The following MNAT1 variants were observed in gnomAD, a reference collection of about 807,000 sequenced individuals.
The protein encoded by MNAT1 is CDK-activating kinase assembly factor MAT1.
MNAT1 carries 43 observed loss-of-function variants against 42.0 expected under a neutral mutation model. That is an observed-to-expected ratio of 1.02 (90% CI 0.80 to 1.32). The LOEUF is 1.32. Among genes scored for constraint, MNAT1 ranks in the 40% most tolerant of loss-of-function variants. MNAT1 has a pLI of 0.00. For synonymous variants in MNAT1, 118 were observed against 120.0 expected, an observed-to-expected ratio of 0.98 and a Z score of 0.11; for missense variants, 306 against 350.4, an observed-to-expected ratio of 0.87 and a Z score of 1.01.
At chr14:60,741,871 G>GC (rs1441224601) in intron 1 of MNAT1, among the ~76,000 whole-genome samples, 2 of 151,678 alleles carry the variant, frequency 1.3e-5, no homozygotes, top group Non-Finnish European at 2.9e-5. Context: ...ACTGGGTCTT[G>GC]CCATTTTATC....
chr14:60,952,262 G>T (rs1020650191), intron 7 of MNAT1, among the ~76,000 whole-genome samples: 7 of 152,170 alleles, frequency 4.6e-5, no homozygotes, highest in Non-Finnish European at 1.0e-4. Flanking sequence ...AGTACAGTAG[G>T]CCTTGAATGG....
chr14:60,922,050 C>A (rs1239696108), intron 7 of MNAT1, among the ~76,000 whole-genome samples: 1 of 152,158 alleles, frequency 6.6e-6, no homozygotes, highest in African/African-American at 2.4e-5. Flanking sequence ...CCAGTTAAAT[C>A]ACCCTTTTGG....
intron 6 of MNAT1, among the ~76,000 whole-genome samples, chr14:60,861,929 C>T (rs1195778185): frequency 6.6e-6 from 1 of 152,102 alleles, no homozygotes; most frequent in Non-Finnish European, 1.5e-5. Context: ...AGTTGCTGGG[C>T]AGCAGTCTTG....
chr14:60,845,776 A>G (rs141757978), intron 6 of MNAT1, among the ~76,000 whole-genome samples: 9 of 152,256 alleles, frequency 5.9e-5, no homozygotes, highest in African/African-American at 1.7e-4. Flanking sequence ...AGAATAATAC[A>G]AAATGTAGTC....
In MNAT1 at chr14:60,831,103, C is replaced by CT. The variant is rs35645256; in HGVS notation, c.687+12270dup. On this transcript the variant is annotated intron_variant, in intron 6 of 7. Transcript: ENST00000261245. ...AATGTATTGCTGCTTTCTTTTGTTC[C>CT]TTTTTTTTTTTTTTCAATACTTTTA... 3.6e-5 allele frequency among the ~76,000 whole-genome samples: 5 copies of CT among 138,778 alleles called. No individual in the cohort carries two copies. In the East Asian group the frequency reaches 8.2e-4, roughly 23 times the overall value. The allele number at this position is 138,778 out of a possible 152,430, so 91.0% of individuals were successfully genotyped here. A position where few individuals can be genotyped will look rare whatever the true frequency, so the allele number is the denominator to read the frequency against.
At chr14:60,876,189 A>G (rs952200042) in intron 6 of MNAT1, among the ~76,000 whole-genome samples, 11 of 152,072 alleles carry the variant, frequency 7.2e-5, no homozygotes, top group African/African-American at 2.7e-4. Flanking sequence ...AACCTATGCA[A>G]TGCTCTCTGA....
intron 7 of MNAT1, among the ~76,000 whole-genome samples, chr14:60,880,914 T>G (rs1411708196): frequency 6.6e-6 from 1 of 152,168 alleles, no homozygotes; most frequent in Non-Finnish European, 1.5e-5. Context: ...AAATTGAAGT[T>G]TGAAGAGATA....
At chr14:60,889,949 CA>C (rs1261701714) in intron 7 of MNAT1, among the ~76,000 whole-genome samples, 5 of 152,162 alleles carry the variant, frequency 3.3e-5, no homozygotes, top group African/African-American at 1.2e-4. Flanking sequence ...AGTCAGGAAA[CA>C]ACAGGTGCTG....
intron 7 of MNAT1, among the ~76,000 whole-genome samples, chr14:60,903,209 C>T (rs549895485): frequency 2.7e-4 from 41 of 151,758 alleles, no homozygotes; most frequent in Non-Finnish European, 4.7e-4. Flanking sequence ...ATTAAATCTT[C>T]GTCTTCACAT....
At chr14:60,738,477 A>G (rs1375365477) in intron 1 of MNAT1, among the ~76,000 whole-genome samples, 1 of 152,008 alleles carries the variant, frequency 6.6e-6, no homozygotes, top group Non-Finnish European at 1.5e-5. Flanking sequence ...GCTGGTCTCG[A>G]ACTACTGACT....
chr14:60,808,574 T>C (rs540718384), intron 4 of MNAT1, 146 bp downstream of exon 4: 16 of 502,210 alleles, frequency 3.2e-5, no homozygotes, highest in Non-Finnish European at 5.0e-5. Flanking sequence ...ATATGCTGTA[T>C]AGGTATGTAG....
intron 1 of MNAT1, among the ~76,000 whole-genome samples, chr14:60,761,971 C>G (rs571550457): frequency 6.6e-6 from 1 of 152,206 alleles, no homozygotes; most frequent in East Asian, 1.9e-4. Context: ...ATCAAACTAT[C>G]TAGATCTGTG....
At chr14:60,862,694 T>C (rs2034123877) in intron 6 of MNAT1, among the ~76,000 whole-genome samples, 1 of 152,202 alleles carries the variant, frequency 6.6e-6, no homozygotes, top group Non-Finnish European at 1.5e-5. Context: ...ATTAAAAAGA[T>C]GGAAAATCAT....
intron 6 of MNAT1, among the ~76,000 whole-genome samples, chr14:60,879,407 C>T (rs1183719627): frequency 6.6e-6 from 1 of 152,126 alleles, no homozygotes; most frequent in Non-Finnish European, 1.5e-5. Flanking sequence ...ATGTATTTTT[C>T]ATAAACTTTT....
intron 7 of MNAT1, among the ~76,000 whole-genome samples, chr14:60,908,308 TA>T (rs1446475468): frequency 6.6e-6 from 1 of 152,198 alleles, no homozygotes; most frequent in Non-Finnish European, 1.5e-5. Flanking sequence ...TCTGGATTGT[TA>T]TTTTTTTCTT....
intron 7 of MNAT1, among the ~76,000 whole-genome samples, chr14:60,913,277 C>G (rs935943234): frequency 1.3e-5 from 2 of 152,028 alleles, no homozygotes; most frequent in African/African-American, 2.4e-5. Context: ...TTTGAACTTC[C>G]TCCTTTAGCT....
intron 7 of MNAT1, among the ~76,000 whole-genome samples, chr14:60,905,885 A>G (rs977889888): frequency 1.3e-5 from 2 of 152,202 alleles, no homozygotes; most frequent in African/African-American, 4.8e-5. Flanking sequence ...ACCTTCACAG[A>G]CGCACCCAGA....
chr14:60,871,671 G>T (rs2034326533), intron 6 of MNAT1, among the ~76,000 whole-genome samples: 1 of 151,696 alleles, frequency 6.6e-6, no homozygotes, highest in South Asian at 2.1e-4. Flanking sequence ...TGCCCAGGAT[G>T]GAGTGCAATG....
At chr14:60,911,534 C>T (rs1263324927) in intron 7 of MNAT1, among the ~76,000 whole-genome samples, 3 of 152,018 alleles carry the variant, frequency 2.0e-5, no homozygotes, top group Admixed American at 6.6e-5. Flanking sequence ...TCTTTGTTCT[C>T]GTTGGTTTCA....
Sources: allele counts gnomAD v4.1 joint callset (sites outside exome capture counted in the v4.1 genomes callset), GRCh38; gene constraint gnomAD v4.1.1; transcripts MANE v1.5; gene names NCBI Gene and HGNC (gene_info 2026-07-23, HGNC 2026-07-21).